Variants in SGCD observed in about 807,000 individuals in gnomAD.
SGCD encodes the protein sarcoglycan delta, also known as delta-sarcoglycan.
Under a neutral mutation model 36.6 loss-of-function variants are expected in SGCD, and 18 were observed. The observed-to-expected ratio is 0.49, with a 90% CI of 0.34 to 0.73. SGCD has a LOEUF of 0.73. Among genes scored for constraint, SGCD ranks in the 30% least tolerant of loss-of-function variants. The pLI, the probability that SGCD is intolerant of heterozygous loss-of-function variation, is 0.01. For synonymous variants in SGCD, 133 were observed against 130.6 expected, an observed-to-expected ratio of 1.02 and a Z score of -0.12; for missense variants, 387 against 346.7, an observed-to-expected ratio of 1.12 and a Z score of -0.92.
chr5:156,747,191 AG>A (rs1294421285), intron 7 of SGCD, among the ~76,000 whole-genome samples: 7 of 152,356 alleles, frequency 4.6e-5, no homozygotes, highest in Non-Finnish European at 1.0e-4. Flanking sequence ...ATAATTAAAA[AG>A]ACCCTCAACA....
chr5:156,143,907 A>G (rs1427013555), intron 3 of SGCD, among the ~76,000 whole-genome samples: 5 of 103,040 alleles, frequency 4.9e-5, no homozygotes, highest in African/African-American at 1.6e-4. Context: ...CCCAAAACAG[A>G]CCCCGGAGTG....
chr5:156,604,698 A>T (rs996158714), intron 6 of SGCD, among the ~76,000 whole-genome samples: 1 of 65,420 alleles, frequency 1.5e-5, no homozygotes, highest in Admixed American at 1.6e-4. Context: ...TATATCCATT[A>T]TACATATACA....
intron 3 of SGCD, among the ~76,000 whole-genome samples, chr5:156,292,321 T>C (rs1235144424): frequency 1.3e-5 from 2 of 152,142 alleles, no homozygotes; most frequent in African/African-American, 2.4e-5. Context: ...TTCTACTTTT[T>C]ATCGCTATAA....
chr5:156,417,894 C>A (rs898204664), intron 3 of SGCD, among the ~76,000 whole-genome samples: 1 of 152,152 alleles, frequency 6.6e-6, no homozygotes, highest in African/African-American at 2.4e-5. Flanking sequence ...GCCCTCACCC[C>A]TTGTCACAGT....
the SGCD span, among the ~76,000 whole-genome samples, chr5:155,826,684 A>C: frequency 9.6e-3 from 1,468 of 152,262 alleles, 24 homozygotes; most frequent in African/African-American, 0.034. Flanking sequence ...AAGAACCCTA[A>C]ATGAAGTTAT....
intron 6 of SGCD, among the ~76,000 whole-genome samples, chr5:156,620,603 T>C (rs1414900598): frequency 6.6e-6 from 1 of 152,080 alleles, no homozygotes; most frequent in Non-Finnish European, 1.5e-5. Flanking sequence ...GGAAGTGTAA[T>C]GGATGGGGAC....
At chr5:156,463,253 A>G (rs886234816) in intron 3 of SGCD, among the ~76,000 whole-genome samples, 1 of 152,128 alleles carries the variant, frequency 6.6e-6, no homozygotes, top group African/African-American at 2.4e-5. Flanking sequence ...TGTGTTAGCC[A>G]GGATGGTCTC....
At chr5:156,634,683 C>T (rs1762759581) in intron 6 of SGCD, among the ~76,000 whole-genome samples, 1 of 152,046 alleles carries the variant, frequency 6.6e-6, no homozygotes. Flanking sequence ...GCTGTATTTG[C>T]TTATTGTGGT....
At chr5:156,191,464 G>A (rs985997169) in intron 3 of SGCD, among the ~76,000 whole-genome samples, 3 of 152,100 alleles carry the variant, frequency 2.0e-5, no homozygotes, top group Non-Finnish European at 4.4e-5. Context: ...GTTATGTTCA[G>A]AATGTTAGGT....
At chr5:156,562,498 A>G (rs1264599903) in intron 4 of SGCD, among the ~76,000 whole-genome samples, 2 of 152,216 alleles carry the variant, frequency 1.3e-5, no homozygotes, top group African/African-American at 4.8e-5. Context: ...GACTGCAGCA[A>G]GAGATAGTCA....
chr5:156,513,576 G>A (rs1229719261), intron 4 of SGCD, among the ~76,000 whole-genome samples: 2 of 152,160 alleles, frequency 1.3e-5, no homozygotes, highest in Non-Finnish European at 2.9e-5. Flanking sequence ...TCAACTACTC[G>A]AAGTGAGGAC....
intron 4 of SGCD, among the ~76,000 whole-genome samples, chr5:156,575,234 G>T (rs1425760127): frequency 6.6e-5 from 10 of 152,198 alleles, no homozygotes; most frequent in Admixed American, 6.5e-4. Flanking sequence ...ATATTGGAAT[G>T]TGATTGACTT....
At chr5:156,182,817 G>A (rs1323713476) in intron 3 of SGCD, among the ~76,000 whole-genome samples, 1 of 152,170 alleles carries the variant, frequency 6.6e-6, no homozygotes, top group Non-Finnish European at 1.5e-5. Context: ...CCTAGCCAGT[G>A]AGGTGTTAGC....
chr5:156,641,406 T>C (rs1294368008), intron 6 of SGCD, among the ~76,000 whole-genome samples: 1 of 152,226 alleles, frequency 6.6e-6, no homozygotes, highest in Non-Finnish European at 1.5e-5. Flanking sequence ...GCTAAAACTT[T>C]GGAGTAACCA....
intron 7 of SGCD, among the ~76,000 whole-genome samples, chr5:156,736,842 T>C (rs752608537): frequency 2.0e-5 from 3 of 152,178 alleles, no homozygotes; most frequent in Non-Finnish European, 4.4e-5. Flanking sequence ...CAAATATGCC[T>C]TCTGACTTGT....
rs1468857989 is a variant in SGCD at position 156,056,966 on chromosome 5, G to A, written c.-281-60912G>A. On this transcript the variant is annotated intron_variant, in intron 1 of 9. Transcript: ENST00000517913. ...TTATCAAGACAGGGTGGAAACTAGC[G>A]CATCCCTAAGTACGTTTGAAATACT... is the stretch of plus-strand genomic sequence containing the variant. 2.1e-5 allele frequency among the ~76,000 whole-genome samples: 3 copies of A among 146,118 alleles called. 1 individual carries two copies. Among genetic ancestry groups the A allele is most frequent in the Non-Finnish European group, 4.6e-5 (3 of 64,910 alleles).
chr5:155,918,424 A>G (rs1480828062), intron 1 of SGCD, among the ~76,000 whole-genome samples: 1 of 152,104 alleles, frequency 6.6e-6, no homozygotes, highest in Admixed American at 6.6e-5. Context: ...TTATCCAGCC[A>G]TGGTGCTGGG....
intron 1 of SGCD, among the ~76,000 whole-genome samples, chr5:156,077,621 T>C (rs1006993986): frequency 1.3e-5 from 2 of 152,154 alleles, no homozygotes; most frequent in African/African-American, 4.8e-5. Flanking sequence ...TTCCTGCCCT[T>C]ACACACACAC....
chr5:155,868,622 T>C (rs1031887347), upstream of SGCD, among the ~76,000 whole-genome samples: 6 of 152,046 alleles, frequency 3.9e-5, no homozygotes, highest in Non-Finnish European at 8.8e-5. Context: ...TGAAGGGATC[T>C]AGCAAAACCA....
Sources: gnomAD v4.1 joint callset for allele counts (sites outside exome capture counted in the v4.1 genomes callset) on GRCh38, gnomAD v4.1.1 for gene constraint, MANE v1.5 for transcripts, NCBI Gene and HGNC (gene_info 2026-07-23, HGNC 2026-07-21) for gene names.